Variants in CLDN15 observed in about 807,000 individuals in gnomAD.
CLDN15 encodes claudin 15.
CLDN15 carries 9 observed loss-of-function variants against 24.5 expected under a neutral mutation model. That is an observed-to-expected ratio of 0.37 (90% CI 0.22 to 0.64). The LOEUF is 0.64. CLDN15 is among the 30% of genes least tolerant of loss of function. CLDN15 has a pLI of 0.63. For missense variants in CLDN15, 248 were observed against 305.9 expected (o/e 0.81, Z 1.41); for synonymous variants, 149 against 131.4 (o/e 1.13, Z -0.92).
intron 1 of CLDN15, among the ~76,000 whole-genome samples, chr7:101,236,239 C>CA (rs1798618716): frequency 6.6e-6 from 1 of 151,746 alleles, no homozygotes; most frequent in South Asian, 2.1e-4. Context: ...AAGTTGTACT[C>CA]AGCTTTTATA....
In CLDN15 at chr7:101,234,365, C is replaced by T. The variant is rs1201066988; in HGVS notation, c.295G>A (p.Gly99Ser). 2 of 1,612,536 alleles carry T rather than the reference C, an allele frequency of 1.2e-6. No homozygotes were observed. The highest frequency in any genetic ancestry group is 1.7e-6 in the Non-Finnish European group (2 of 1,179,390). The change falls in exon 2 of 5, where the codon GGC (glycine) becomes AGC (serine). Residue 99 changes from glycine to serine, a missense_variant. Gly to Ser is a moderately conservative substitution (Grantham distance 56, BLOSUM62 0). Coordinates refer to ENST00000308344, the MANE Select transcript of CLDN15 (RefSeq NM_014343.3). Reference sequence around the variant, plus strand: ...CCCCCAATGTTGGTGCAGCGCAGGCCCGCTATGCCTAGCAAGAGGCCGAGG... The same window carrying T: ...CCCCCAATGTTGGTGCAGCGCAGGCTCGCTATGCCTAGCAAGAGGCCGAGG... The part of the protein sequence containing the change: ...GFLGLLLGIA[G>S]LRCTNIGGLE...
intron 1 of CLDN15, chr7:101,236,975 G>A (rs1330767005): frequency 1.5e-5 from 6 of 412,144 alleles, no homozygotes; most frequent in South Asian, 3.5e-5. Flanking sequence ...ATGCTCAACC[G>A]TACTGAGTGC....
intron 1 of CLDN15, 44 bp from the exon 2 acceptor site, chr7:101,234,486 C>T (rs373847030): frequency 2.1e-5 from 31 of 1,470,128 alleles, no homozygotes; most frequent in East Asian, 6.9e-5. Context: ...CTCCCCTCTG[C>T]GACGGAGCCA....
At chr7:101,238,029 T>C (rs529338779), upstream of CLDN15, 83 of 237,016 alleles carry the variant, frequency 3.5e-4, 1 homozygote, top group African/African-American at 1.4e-3. Context: ...TCAGCTTTCA[T>C]TGGGGGCCAA....
At chr7:101,233,221 C>T (rs530968925) in intron 2 of CLDN15, among the ~76,000 whole-genome samples, 1 of 152,212 alleles carries the variant, frequency 6.6e-6, no homozygotes, top group Non-Finnish European at 1.5e-5. Flanking sequence ...ACCTCTAGGG[C>T]CTTCATCCCA....
Position 101,232,138 on chromosome 7 carries a change from T to C in CLDN15, c.*272A>G, listed in dbSNP as rs1220686576. The C allele has an allele frequency of 1.2e-5, 5 of 418,672 alleles. No individual in the cohort carries two copies. The highest frequency in any genetic ancestry group is 1.7e-5 in the Non-Finnish European group (4 of 233,068). The allele number at this position is 418,672 out of a possible 1,614,324, so 25.9% of individuals were successfully genotyped here. A position where few individuals can be genotyped will look rare whatever the true frequency, so the allele number is the denominator to read the frequency against. ...TATTAATGAATGTATTTATACACAATACAAACGTGCGGGGACACCGTCCCC... is the reference window on the plus strand; with the variant it reads ...TATTAATGAATGTATTTATACACAACACAAACGTGCGGGGACACCGTCCCC... On this transcript the variant is annotated 3_prime_UTR_variant, in exon 5 of 5. Coordinates refer to ENST00000308344, the MANE Select transcript of CLDN15 (RefSeq NM_014343.3).
At position 101,232,711 on chromosome 7, in the gene CLDN15, C is replaced by T; in HGVS notation, c.474G>A (p.Leu158=). 8 of 1,595,048 alleles carry T rather than the reference C, an allele frequency of 5.0e-6. No individual in the cohort carries two copies. The highest frequency in any genetic ancestry group is 6.0e-6 in the Non-Finnish European group (7 of 1,171,060). The part of the protein sequence containing the change: ...DPLYPGTKYE[L]GPALYLGWSA... The stretch of plus-strand genomic sequence containing the variant: ...TCCACCCCAGGTAGAGGGCGGGGCC[C>T]AGCTCGTACCTGCGCACAAGGGCGG... Residue 158 remains leucine, a synonymous_variant, in exon 4 of 5, where the codon CTG becomes CTA. Coordinates refer to ENST00000308344, the MANE Select transcript of CLDN15 (RefSeq NM_014343.3).
In CLDN15 at chr7:101,237,621, G is replaced by A. The variant is rs745532582; in HGVS notation, c.-40C>T. ...CCCTGGGGGGCTGGTGCCCCAGAGA[G>A]GGGGAGGGGCAGAACCCCTAGGGAA... On this transcript the variant is annotated 5_prime_UTR_variant, in exon 1 of 5. Transcript: ENST00000308344. This position sits in a 1 kb window ranked among gnomAD's most constrained non-coding sequence, Gnocchi z 4.0. 1.1e-5 allele frequency: 17 copies of A among 1,481,644 alleles called. No homozygotes were observed. In the East Asian group the frequency reaches 2.5e-4, roughly 22 times the overall value. The allele number at this position is 1,481,644 out of a possible 1,614,324, so 91.8% of individuals were successfully genotyped here.
At chr7:101,235,415 C>T (rs764542665) in intron 1 of CLDN15, among the ~76,000 whole-genome samples, 15 of 152,168 alleles carry the variant, frequency 9.9e-5, no homozygotes, top group Non-Finnish European at 1.3e-4. Context: ...AGGTGTGGAC[C>T]ACCACACCCG....
chr7:101,235,162 T>TC (rs1401462547), intron 1 of CLDN15, among the ~76,000 whole-genome samples: 1 of 152,158 alleles, frequency 6.6e-6, no homozygotes, highest in Admixed American at 6.5e-5. Context: ...CTGATTCCAC[T>TC]CCAAGTCCTT....
intron 2 of CLDN15, among the ~76,000 whole-genome samples, chr7:101,233,270 C>T (rs1798538985): frequency 6.6e-6 from 1 of 152,056 alleles, no homozygotes; most frequent in African/African-American, 2.4e-5. Context: ...CCAAATCCCG[C>T]CCACCCTTGA....
chr7:101,233,179 T>C (rs1798537721), intron 2 of CLDN15, among the ~76,000 whole-genome samples: 1 of 152,042 alleles, frequency 6.6e-6, no homozygotes, highest in South Asian at 2.1e-4. Flanking sequence ...GCCTCTTCTC[T>C]CTTTGGTCCC....
upstream of CLDN15, chr7:101,237,954 G>C (rs1165068728): frequency 3.1e-6 from 1 of 320,616 alleles, no homozygotes; most frequent in Non-Finnish European, 6.1e-6. The surrounding 1 kb of genome is among the most constrained non-coding windows in gnomAD (Gnocchi z 4.0). Context: ...GCCACTGACG[G>C]ATACAGCCAA....
intron 1 of CLDN15, chr7:101,236,893 G>T (rs1798637446): frequency 9.0e-7 from 1 of 1,112,654 alleles, no homozygotes; most frequent in Non-Finnish European, 1.2e-6. Flanking sequence ...GAGCCTGGAA[G>T]TTGATCAACC....
intron 2 of CLDN15, 71 bp downstream of exon 2, chr7:101,234,207 T>C: frequency 8.3e-7 from 1 of 1,205,424 alleles, no homozygotes; most frequent in Non-Finnish European, 1.2e-6. Context: ...GAGAGGAGAT[T>C]AGATGAGGAC....
At chr7:101,238,612 C>T (rs1192430913), upstream of CLDN15, 5 of 152,198 alleles carry the variant, frequency 3.3e-5, no homozygotes, top group African/African-American at 1.2e-4. Flanking sequence ...GCTGAGGCCA[C>T]CAGGGAGTCG....
intron 1 of CLDN15, 45 bp from the exon 2 acceptor site, chr7:101,234,487 G>A (rs755542566): frequency 8.9e-6 from 13 of 1,454,012 alleles, no homozygotes; most frequent in South Asian, 3.5e-5. Flanking sequence ...TCCCCTCTGC[G>A]ACGGAGCCAG....
Position 101,237,616 on chromosome 7 carries a change from A to G in CLDN15, c.-35T>C, listed in dbSNP as rs756800350. The G allele has an allele frequency of 6.6e-6, 10 of 1,507,100 alleles. No individual in the cohort carries two copies. Among genetic ancestry groups the G allele is most frequent in the Non-Finnish European group, 9.2e-7 (1 of 1,084,066 alleles). The allele number at this position is 1,507,100 out of a possible 1,614,324, so 93.4% of individuals were successfully genotyped here. ...CAGGACCCTGGGGGGCTGGTGCCCCAGAGAGGGGGAGGGGCAGAACCCCTA... is the reference window on the plus strand; with the variant it reads ...CAGGACCCTGGGGGGCTGGTGCCCCGGAGAGGGGGAGGGGCAGAACCCCTA... On this transcript the variant is annotated 5_prime_UTR_variant, in exon 1 of 5. Coordinates refer to ENST00000308344, the MANE Select transcript of CLDN15 (RefSeq NM_014343.3). This position sits in a 1 kb window ranked among gnomAD's most constrained non-coding sequence, Gnocchi z 4.0.
intron 2 of CLDN15, 161 bp downstream of exon 2, chr7:101,234,117 C>T (rs1318633458): frequency 2.6e-6 from 2 of 764,126 alleles, no homozygotes; most frequent in South Asian, 1.4e-5. Flanking sequence ...GCCAGGAGAT[C>T]TGGGGAGTAC....
Sources: gnomAD v4.1 joint callset for allele counts (sites outside exome capture counted in the v4.1 genomes callset) on GRCh38, gnomAD v4.1.1 for gene constraint, Gnocchi (gnomAD v3.1) non-coding constraint, MANE v1.5 for transcripts, NCBI Gene and HGNC (gene_info 2026-07-23, HGNC 2026-07-21) for gene names.